Variants in FAM184A observed in about 807,000 individuals in gnomAD.
FAM184A encodes protein FAM184A.
A neutral mutation model predicts 143.8 loss-of-function variants in FAM184A; 99 were observed. That is an observed-to-expected ratio of 0.69 (90% CI 0.58 to 0.81). The LOEUF (loss-of-function observed/expected upper bound fraction) is 0.81. FAM184A is among the 40% of genes least tolerant of loss of function. FAM184A has a pLI of 0.00. For missense variants in FAM184A, 1,217 were observed against 1,310.5 expected (o/e 0.93, Z 1.10); for synonymous variants, 427 against 446.4 (o/e 0.96, Z 0.55).
chr6:119,038,890 G>T (rs1470869084), intron 1 of FAM184A, among the ~76,000 whole-genome samples: 1 of 152,068 alleles, frequency 6.6e-6, no homozygotes, highest in Non-Finnish European at 1.5e-5. Context: ...ACAAGCCACA[G>T]ACTGGGAGAA....
At chr6:119,011,097 A>G (rs1198974368) in intron 6 of FAM184A, 1 of 441,796 alleles carries the variant, frequency 2.3e-6, no homozygotes, top group Non-Finnish European at 3.9e-6. Context: ...TCCCCACAAC[A>G]GCACCTTAGT....
chr6:118,965,980 T>C lies in FAM184A; in HGVS notation c.3033+855A>G, dbSNP rs145652668. ...CACAATATGTAGAAAATTGGGTGGC[T>C]GGTGGATTGAAGCAGCACACACTCA... On this transcript the variant is annotated intron_variant, in intron 15 of 17. Transcript: ENST00000338891. 3.5e-3 allele frequency among the ~76,000 whole-genome samples: 540 copies of C among 152,256 alleles called. 1 individual carries two copies. Among genetic ancestry groups the C allele is most frequent in the African/African-American group, 0.012 (500 of 41,544 alleles).
chr6:119,029,253 C>T lies in FAM184A; in HGVS notation c.160-4440G>A, dbSNP rs545278370. 6.6e-5 allele frequency among the ~76,000 whole-genome samples: 10 copies of T among 152,278 alleles called. No individual in the cohort carries two copies. The East Asian group carries it at 1.9e-3, about 29-fold the overall frequency. On this transcript the variant is annotated intron_variant, in intron 1 of 17. Transcript: ENST00000338891. ...TGTGCATTCTGTTCCAGGAAATGAT[C>T]TGGGAAAGAACCAGTCCCTGGTGGA...
intron 1 of FAM184A, chr6:119,025,519 GT>G (rs775739234): frequency 1.3e-5 from 7 of 518,802 alleles, no homozygotes; most frequent in Non-Finnish European, 2.7e-5. Context: ...TTAAGCCAGA[GT>G]TTTGAGTACA....
At chr6:118,993,683 A>C (rs181789524) in intron 9 of FAM184A, among the ~76,000 whole-genome samples, 2 of 152,366 alleles carry the variant, frequency 1.3e-5, no homozygotes, top group South Asian at 2.1e-4. Flanking sequence ...TAATAGCAGA[A>C]AGAGAAAATT....
In FAM184A at chr6:119,072,452, A is replaced by G. The variant is rs1318292965; in HGVS notation, c.159+5689T>C. 2.0e-5 allele frequency among the ~76,000 whole-genome samples: 3 copies of G among 152,262 alleles called. No homozygotes were observed. The South Asian group carries it at 6.2e-4, about 31-fold the overall frequency. Reference sequence around the variant, plus strand: ...ATGAGGCCACTTACCATTCTTGTTCAAAGACTCAAGTCATAAGCAATATAG... The same window carrying G: ...ATGAGGCCACTTACCATTCTTGTTCGAAGACTCAAGTCATAAGCAATATAG... On this transcript the variant is annotated intron_variant, in intron 1 of 17. Transcript: ENST00000338891.
chr6:119,141,537 C>T (rs183509442), intron 1 of FAM184A, among the ~76,000 whole-genome samples: 4 of 152,174 alleles, frequency 2.6e-5, no homozygotes, highest in East Asian at 1.9e-4. Context: ...CAGGCAGTGG[C>T]GCGATCTTGG....
intron 1 of FAM184A, chr6:119,068,950 T>C: frequency 4.1e-6 from 1 of 245,312 alleles, no homozygotes; most frequent in Non-Finnish European, 9.2e-6. Context: ...CATCTAAAAT[T>C]TGTCAGAATT....
chr6:118,987,668 T>A (rs1784235500), intron 9 of FAM184A, among the ~76,000 whole-genome samples: 4 of 152,146 alleles, frequency 2.6e-5, no homozygotes, highest in Admixed American at 2.6e-4. Flanking sequence ...AATCCAGTAC[T>A]TTTAAAAAAG....
intron 1 of FAM184A, among the ~76,000 whole-genome samples, chr6:119,084,033 G>A (rs112866295): frequency 1.3e-5 from 2 of 152,024 alleles, no homozygotes; most frequent in Non-Finnish European, 2.9e-5. Flanking sequence ...TACAATCATG[G>A]TGGAAGGCAA....
At chr6:119,065,393 G>A (rs1368382440) in intron 1 of FAM184A, among the ~76,000 whole-genome samples, 3 of 152,174 alleles carry the variant, frequency 2.0e-5, no homozygotes, top group Non-Finnish European at 2.9e-5. Flanking sequence ...CTCATGAGAA[G>A]CCGAGCCAGA....
At chr6:119,012,963 C>T (rs939630367) in intron 5 of FAM184A, among the ~76,000 whole-genome samples, 8 of 152,082 alleles carry the variant, frequency 5.3e-5, no homozygotes, top group Non-Finnish European at 7.4e-5. Context: ...CAATAGAAGT[C>T]GTCTTCAGCT....
chr6:119,052,066 T>C (rs937093635), intron 1 of FAM184A, among the ~76,000 whole-genome samples: 2 of 152,224 alleles, frequency 1.3e-5, no homozygotes, highest in African/African-American at 4.8e-5. Context: ...GTCTCTCACA[T>C]AGTGATCTCT....
chr6:119,077,131 C>T (rs76762279), intron 1 of FAM184A, among the ~76,000 whole-genome samples: 7,021 of 152,054 alleles, frequency 0.046, 392 homozygotes, highest in African/African-American at 0.13. Flanking sequence ...TCCTCTCTTC[C>T]GAATCTCATG....
chr6:119,137,733 C>A (rs1772067276), intron 1 of FAM184A, among the ~76,000 whole-genome samples: 1 of 152,210 alleles, frequency 6.6e-6, no homozygotes, highest in Non-Finnish European at 1.5e-5. Flanking sequence ...GGGTTTACTG[C>A]TGTTGGCAGT....
intron 1 of FAM184A, among the ~76,000 whole-genome samples, chr6:119,107,143 A>G (rs867057906): frequency 4.6e-5 from 7 of 152,240 alleles, no homozygotes; most frequent in Non-Finnish European, 2.9e-5. Flanking sequence ...TATAAGCTGC[A>G]TATGAAAATA....
intron 14 of FAM184A, among the ~76,000 whole-genome samples, chr6:118,970,004 A>ATTT (rs1250453977): frequency 4.4e-5 from 1 of 22,988 alleles, no homozygotes; most frequent in Admixed American, 5.8e-4. Flanking sequence ...ATATATATAT[A>ATTT]TATATTTTTT....
At position 119,041,907 on chromosome 6, in the gene FAM184A, C is replaced by T. The variant is rs915910271; in HGVS notation, c.160-17094G>A. 5.9e-5 allele frequency among the ~76,000 whole-genome samples: 9 copies of T among 152,244 alleles called. 1 individual carries two copies. The highest frequency in any genetic ancestry group is 6.8e-3 in the Middle Eastern group (2 of 294). ...CTTCTAATAGAGGTATAACACTCAC[C>T]GCATGGCCCAAGATTCCATTCCTTG... On this transcript the variant is annotated intron_variant, in intron 1 of 17. Transcript: ENST00000338891.
At chr6:119,128,828 T>C (rs1789446699) in intron 1 of FAM184A, among the ~76,000 whole-genome samples, 1 of 152,098 alleles carries the variant, frequency 6.6e-6, no homozygotes, top group Non-Finnish European at 1.5e-5. Context: ...AGCTGTCTCC[T>C]GTGGATGGGG....
Sources: allele counts gnomAD v4.1 joint callset (sites outside exome capture counted in the v4.1 genomes callset), GRCh38; gene constraint gnomAD v4.1.1; transcripts MANE v1.5; gene names NCBI Gene and HGNC (gene_info 2026-07-23, HGNC 2026-07-21).